Variants in CDK19 observed in about 807,000 individuals in gnomAD.
CDK19 encodes the protein cyclin-dependent kinase 19.
A neutral mutation model predicts 68.3 loss-of-function variants in CDK19; 20 were observed. The ratio of observed to expected loss-of-function variants is 0.29; its 90% CI spans 0.21 to 0.43. The LOEUF is 0.43. Ranked by LOEUF, CDK19 falls within the 20% of genes least tolerant of loss-of-function variation. CDK19 has a pLI of 1.00. For missense variants in CDK19, 339 were observed against 623.5 expected (o/e 0.54, Z 4.86); for synonymous variants, 221 against 222.8 (o/e 0.99, Z 0.07).
chr6:110,690,004 A>G (rs1772839530), intron 2 of CDK19, among the ~76,000 whole-genome samples: 3 of 152,300 alleles, frequency 2.0e-5, no homozygotes, highest in Middle Eastern at 6.8e-3. Context: ...CTTTCAGCAG[A>G]GGCATAGTTG....
rs539627316 is a variant in CDK19, at chr6:110,746,221, C to A, written c.129-20G>T. 4.1e-6 allele frequency: 6 copies of A among 1,473,292 alleles called. No individual in the cohort carries two copies. The Admixed American group carries it at 9.9e-5, about 24-fold the overall frequency. The allele number at this position is 1,473,292 out of a possible 1,614,324, so 91.3% of individuals were successfully genotyped here. On this transcript the variant is annotated intron_variant, in intron 1 of 12. Transcript: ENST00000368911. ...TCTTTTCTGCACATAAACAAAAAAA[C>A]ATCATTTTTCCATATATCACTTTCA...
intron 4 of CDK19, among the ~76,000 whole-genome samples, chr6:110,648,522 A>C (rs1780753097): frequency 6.6e-6 from 1 of 151,186 alleles, no homozygotes; most frequent in African/African-American, 2.4e-5. Flanking sequence ...GAACACCATG[A>C]AATCTTTTTT....
At chr6:110,793,394 T>A (rs904790403) in intron 1 of CDK19, among the ~76,000 whole-genome samples, 1 of 152,162 alleles carries the variant, frequency 6.6e-6, no homozygotes, top group Non-Finnish European at 1.5e-5. Context: ...AAGGACAACA[T>A]CAGCATTATA....
At chr6:110,767,005 G>A (rs944303127) in intron 1 of CDK19, among the ~76,000 whole-genome samples, 7 of 151,954 alleles carry the variant, frequency 4.6e-5, no homozygotes, top group South Asian at 2.1e-4. Flanking sequence ...ATTGTGGTGC[G>A]TGTCTCTAGT....
At chr6:110,729,666 G>A (rs970122856) in intron 2 of CDK19, among the ~76,000 whole-genome samples, 2 of 144,026 alleles carry the variant, frequency 1.4e-5, no homozygotes, top group African/African-American at 2.6e-5. Context: ...TGGCTTGAAC[G>A]CCTGATCTCA....
intron 2 of CDK19, among the ~76,000 whole-genome samples, chr6:110,727,013 A>G (rs566091257): frequency 1.2e-4 from 18 of 152,222 alleles, no homozygotes; most frequent in Non-Finnish European, 2.1e-4. Context: ...TCAGAGAATA[A>G]TATTTATAGT....
chr6:110,739,319 C>A (rs7738088), intron 2 of CDK19, among the ~76,000 whole-genome samples: 1 of 152,152 alleles, frequency 6.6e-6, no homozygotes, highest in Non-Finnish European at 1.5e-5. Context: ...TGTGGAGACA[C>A]AGGGAGAAGA....
chr6:110,811,573 C>G (rs1783105301), intron 1 of CDK19, among the ~76,000 whole-genome samples: 1 of 151,830 alleles, frequency 6.6e-6, no homozygotes, highest in African/African-American at 2.4e-5. Flanking sequence ...TAACAATATT[C>G]CTTTATCGAT....
chr6:110,614,539 T>G lies in CDK19; in HGVS notation c.1505A>C (p.Tyr502Ser), dbSNP rs1195851303. ...QYHPSHQAHRY is the reference protein window; with the variant it reads ...QYHPSHQAHRS The stretch of plus-strand genomic sequence containing the variant: ...GCCTGGCCCAACGGGAGCTGGTCAG[T>G]ACCGGTGGGCCTGGTGAGATGGGTG... Residue 502 changes from tyrosine to serine, a missense_variant, in exon 13 of 13, where the codon TAC (tyrosine) becomes TCC (serine). By Grantham distance (144) the Tyr-to-Ser change is moderately radical. Transcript: ENST00000368911. The G allele has an allele frequency of 3.7e-6, 6 of 1,614,064 alleles. No homozygotes were observed. Among genetic ancestry groups the G allele is most frequent in the Non-Finnish European group, 5.1e-6 (6 of 1,179,950 alleles).
intron 4 of CDK19, among the ~76,000 whole-genome samples, chr6:110,642,610 C>T (rs1780278010): frequency 6.6e-6 from 1 of 152,122 alleles, no homozygotes; most frequent in African/African-American, 2.4e-5. Context: ...GCTATTATGG[C>T]TGACTAAGTG....
chr6:110,691,356 T>C (rs1772972073), intron 2 of CDK19, among the ~76,000 whole-genome samples: 1 of 151,692 alleles, frequency 6.6e-6, no homozygotes, highest in Non-Finnish European at 1.5e-5. Flanking sequence ...CACTTGTAAT[T>C]CCAGCTGCTC....
At chr6:110,754,555 A>G (rs894575586) in intron 1 of CDK19, among the ~76,000 whole-genome samples, 3 of 150,240 alleles carry the variant, frequency 2.0e-5, no homozygotes, top group Non-Finnish European at 4.5e-5. Context: ...TCTCAGCTCA[A>G]TGCTACCTCT....
intron 4 of CDK19, among the ~76,000 whole-genome samples, chr6:110,662,081 T>C (rs2114367418): frequency 6.6e-6 from 1 of 152,314 alleles, no homozygotes; most frequent in South Asian, 2.1e-4. Flanking sequence ...GCGATTCTCC[T>C]GCCTCAGCCT....
At chr6:110,744,011 G>GTTTTTTTT (rs5879078) in intron 2 of CDK19, among the ~76,000 whole-genome samples, 1 of 113,358 alleles carries the variant, frequency 8.8e-6, no homozygotes, top group Non-Finnish European at 1.7e-5. Context: ...ACCTCCCCAC[G>GTTTTTTTT]TTTTTTTTTT....
At chr6:110,690,967 CAG>C (rs1013279953) in intron 2 of CDK19, among the ~76,000 whole-genome samples, 26 of 152,090 alleles carry the variant, frequency 1.7e-4, no homozygotes, top group African/African-American at 6.3e-4. Flanking sequence ...TATGATAAAA[CAG>C]AGCTCAGCAA....
intron 12 of CDK19, among the ~76,000 whole-genome samples, chr6:110,619,270 AAG>A (rs776139890): frequency 2.6e-5 from 4 of 152,226 alleles, no homozygotes; most frequent in African/African-American, 4.8e-5. Context: ...TGGGGAAAAA[AAG>A]AAATACAGTA....
chr6:110,734,091 C>T (rs1212519105), intron 2 of CDK19, among the ~76,000 whole-genome samples: 1 of 152,048 alleles, frequency 6.6e-6, no homozygotes, highest in Non-Finnish European at 1.5e-5. Flanking sequence ...CTCACTGCAA[C>T]CTCCACCTCC....
At chr6:110,732,629 A>G (rs376268403) in intron 2 of CDK19, among the ~76,000 whole-genome samples, 25 of 152,134 alleles carry the variant, frequency 1.6e-4, no homozygotes, top group African/African-American at 4.8e-4. Context: ...TAAAGAACCA[A>G]TCTCTCTAGT....
chr6:110,731,125 GAAAAGAAAAGAA>G (rs57835738), intron 2 of CDK19, among the ~76,000 whole-genome samples: 2,856 of 150,012 alleles, frequency 0.019, 92 homozygotes, highest in African/African-American at 0.066. Flanking sequence ...GAAAAGAAAA[GAAAAGAAAAGAA>G]AAAAGAAAAG....
Sources: gnomAD v4.1 joint callset for allele counts (sites outside exome capture counted in the v4.1 genomes callset) on GRCh38, gnomAD v4.1.1 for gene constraint, MANE v1.5 for transcripts, NCBI Gene and HGNC (gene_info 2026-07-23, HGNC 2026-07-21) for gene names.